The following APBB2 variants were observed in gnomAD, a reference collection of about 807,000 sequenced individuals.
The protein encoded by APBB2 is Fe65-like 1.
In APBB2, 38 loss-of-function variants were observed where a neutral mutation model predicts 82.5. The ratio of observed to expected loss-of-function variants is 0.46; its 90% CI spans 0.36 to 0.60. APBB2 has a LOEUF of 0.60. APBB2 is among the 20% of genes least tolerant of loss of function. The probability of loss-of-function intolerance (pLI) is 0.00; values close to 1 mark genes in which losing one functional copy is unlikely to be tolerated. For synonymous variants in APBB2, 341 were observed against 368.2 expected, an observed-to-expected ratio of 0.93 and a Z score of 0.85; for missense variants, 772 against 972.3, an observed-to-expected ratio of 0.79 and a Z score of 2.74.
At chr4:41,054,279 A>G (rs1291348946) in intron 4 of APBB2, among the ~76,000 whole-genome samples, 1 of 152,204 alleles carries the variant, frequency 6.6e-6, no homozygotes. Context: ...TTTCCCAGCA[A>G]CCTCACTCCC....
chr4:41,214,119 A>T (rs372493477), intron 1 of APBB2, among the ~76,000 whole-genome samples: 24 of 152,100 alleles, frequency 1.6e-4, no homozygotes, highest in East Asian at 1.2e-3. Context: ...AGTCAAGGAG[A>T]GTGAGCCCGC....
intron 1 of APBB2, among the ~76,000 whole-genome samples, chr4:41,207,055 C>T (rs756218570): frequency 2.6e-5 from 4 of 151,824 alleles, no homozygotes; most frequent in African/African-American, 7.3e-5. Flanking sequence ...AAAAATTAGC[C>T]GGATACAGTG....
At chr4:41,166,505 G>A (rs371330041) in intron 1 of APBB2, among the ~76,000 whole-genome samples, 3 of 151,912 alleles carry the variant, frequency 2.0e-5, no homozygotes, top group Admixed American at 6.5e-5. Flanking sequence ...GTGAGTCCAG[G>A]AGGTGGAGGC....
intron 12 of APBB2, among the ~76,000 whole-genome samples, chr4:40,865,831 T>C (rs1763915658): frequency 6.6e-6 from 1 of 152,242 alleles, no homozygotes; most frequent in Admixed American, 6.5e-5. Context: ...ACATGAAACA[T>C]GCTGAACATC....
At chr4:41,160,925 C>G (rs555148568) in intron 1 of APBB2, among the ~76,000 whole-genome samples, 6 of 152,104 alleles carry the variant, frequency 3.9e-5, no homozygotes, top group Admixed American at 1.3e-4. Context: ...ATCCTTATGA[C>G]GACCCTCTAA....
chr4:40,841,513 T>C (rs568368929), intron 12 of APBB2, among the ~76,000 whole-genome samples: 6 of 152,274 alleles, frequency 3.9e-5, no homozygotes, highest in African/African-American at 1.2e-4. Flanking sequence ...GGTATGTCTT[T>C]TCTGTGGTTC....
chr4:40,965,930 G>A (rs570054009), intron 6 of APBB2, among the ~76,000 whole-genome samples: 3 of 152,264 alleles, frequency 2.0e-5, no homozygotes, highest in Admixed American at 6.5e-5. Flanking sequence ...CACTCATAAC[G>A]TTCTACTGCT....
intron 12 of APBB2, among the ~76,000 whole-genome samples, chr4:40,853,564 C>T (rs1450413804): frequency 3.9e-5 from 6 of 152,130 alleles, no homozygotes; most frequent in African/African-American, 1.4e-4. Flanking sequence ...ATTCTCCTGC[C>T]TCAGCCTCAC....
intron 12 of APBB2, among the ~76,000 whole-genome samples, chr4:40,878,926 CTCTTGGAAATTGGGT>C (rs1560775347): frequency 1.3e-5 from 2 of 152,160 alleles, no homozygotes; most frequent in Non-Finnish European, 2.9e-5. Context: ...GAGCTTTTTA[CTCTTGGAAATTGGGT>C]TCTTGCTTGA....
intron 4 of APBB2, among the ~76,000 whole-genome samples, chr4:41,039,421 C>A (rs1006075202): frequency 6.6e-6 from 1 of 152,196 alleles, no homozygotes; most frequent in Non-Finnish European, 1.5e-5. Context: ...TGAACCAATA[C>A]TTAATGTCTG....
intron 1 of APBB2, among the ~76,000 whole-genome samples, chr4:41,191,257 T>TC (rs1580741066): frequency 1.3e-5 from 2 of 152,242 alleles, no homozygotes; most frequent in East Asian, 3.9e-4. Context: ...CAGCCTTCTC[T>TC]CCCCCTTATT....
intron 10 of APBB2, among the ~76,000 whole-genome samples, chr4:40,904,587 A>C (rs1393302393): frequency 6.6e-6 from 1 of 151,962 alleles, no homozygotes; most frequent in Non-Finnish European, 1.5e-5. Context: ...TCCATAATAG[A>C]GAAGTTTTTA....
chr4:41,080,331 G>A (rs577433914), intron 3 of APBB2, among the ~76,000 whole-genome samples: 1 of 152,304 alleles, frequency 6.6e-6, no homozygotes, highest in East Asian at 1.9e-4. Flanking sequence ...TTAAGATAGA[G>A]AGCTTAGAAT....
At chr4:41,077,750 G>T (rs1736135641) in intron 3 of APBB2, among the ~76,000 whole-genome samples, 1 of 152,060 alleles carries the variant, frequency 6.6e-6, no homozygotes. Flanking sequence ...CCCAAAAGAG[G>T]GTCAAAACCA....
chr4:41,203,732 G>C (rs549449795), intron 1 of APBB2, among the ~76,000 whole-genome samples: 3 of 152,214 alleles, frequency 2.0e-5, no homozygotes, highest in African/African-American at 7.2e-5. Flanking sequence ...TCCAGGCCTG[G>C]TTCCCTTCCT....
chr4:41,013,674 G>T lies in APBB2; in HGVS notation c.744C>A (p.His248Gln), dbSNP rs750524542. 1 of 1,614,226 alleles carries T rather than the reference G, an allele frequency of 6.2e-7. No homozygotes were observed. Among genetic ancestry groups the T allele is most frequent in the African/African-American group, 1.3e-5 (1 of 75,070 alleles). ...CGCTCGGTGCCAGGTTCTGGATCCG[G>T]TGCAGTGCACAGTCGGTTTTGGCCC... ...KTGAKTDCAL[H>Q]RIQNLAPSDE... The change falls in exon 6 of 18, where the codon CAC (histidine) becomes CAA (glutamine). Residue 248 changes from histidine to glutamine, a missense_variant. Coordinates refer to ENST00000508593, the MANE Select transcript of APBB2 (RefSeq NM_004307.2).
chr4:40,849,237 C>T (rs1462054996), intron 12 of APBB2, among the ~76,000 whole-genome samples: 2 of 152,132 alleles, frequency 1.3e-5, no homozygotes, highest in African/African-American at 4.8e-5. Context: ...GTTAATAAAA[C>T]ATATATTTCA....
At chr4:41,116,377 T>C (rs1002518953) in intron 2 of APBB2, among the ~76,000 whole-genome samples, 2 of 152,118 alleles carry the variant, frequency 1.3e-5, no homozygotes, top group Non-Finnish European at 2.9e-5. Context: ...GGCGGGTTGA[T>C]GGGTGCAGCA....
At chr4:41,148,448 T>C (rs986775035) in intron 1 of APBB2, among the ~76,000 whole-genome samples, 5 of 152,222 alleles carry the variant, frequency 3.3e-5, no homozygotes, top group Non-Finnish European at 5.9e-5. Flanking sequence ...CCATTCAAAC[T>C]GAATATGAAA....
Sources: gnomAD v4.1 joint callset for allele counts (sites outside exome capture counted in the v4.1 genomes callset) on GRCh38, gnomAD v4.1.1 for gene constraint, MANE v1.5 for transcripts, NCBI Gene and HGNC (gene_info 2026-07-23, HGNC 2026-07-21) for gene names.